Variants in CSMD1 observed in about 807,000 individuals in gnomAD.
The protein encoded by CSMD1 is CUB and Sushi multiple domains 1.
CSMD1 carries 213 observed loss-of-function variants against 417.5 expected under a neutral mutation model. That is an observed-to-expected ratio of 0.51 (90% confidence interval 0.46 to 0.57). CSMD1 has a LOEUF of 0.57. Ranked by LOEUF, CSMD1 falls within the 20% of genes least tolerant of loss-of-function variation. CSMD1 has a pLI of 0.00. For missense variants in CSMD1, 6,923 were observed against 4,529.7 expected (o/e 1.53, Z -15.17); for synonymous variants, 2,862 against 1,736.8 (o/e 1.65, Z -16.11).
At chr8:3,713,687 C>G (rs868294749) in intron 6 of CSMD1, among the ~76,000 whole-genome samples, 1 of 152,174 alleles carries the variant, frequency 6.6e-6, no homozygotes, top group Non-Finnish European at 1.5e-5. Flanking sequence ...TAACCCCAAA[C>G]AAATAAATAA....
chr8:3,339,090 G>C (rs1294412634), intron 23 of CSMD1, among the ~76,000 whole-genome samples: 1 of 149,814 alleles, frequency 6.7e-6, no homozygotes, highest in Non-Finnish European at 1.5e-5. Flanking sequence ...GCGGTGTTTG[G>C]TTGTTTGTTC....
At chr8:4,186,062 G>C (rs1426254496) in intron 3 of CSMD1, among the ~76,000 whole-genome samples, 1 of 152,116 alleles carries the variant, frequency 6.6e-6, no homozygotes, top group Non-Finnish European at 1.5e-5. Flanking sequence ...GATTCTGCAC[G>C]TGTGGAAGAC....
rs569681714 is a variant in CSMD1, at chr8:3,828,513, T to G, written c.819-74471A>C. Among the ~76,000 whole-genome samples, 3 of 152,272 alleles carry G rather than the reference T, an allele frequency of 2.0e-5. No homozygotes were observed. The East Asian group carries it at 5.8e-4, about 29-fold the overall frequency. On this transcript the variant is annotated intron_variant, in intron 5 of 69. Transcript: ENST00000635120. The stretch of plus-strand genomic sequence containing the variant: ...TTTATCAGTGTTTCCCAAACACTAG[T>G]TATCTATAATTCCTCTCCTTTTTCC...
At chr8:3,806,580 C>A (rs1023174961) in intron 5 of CSMD1, among the ~76,000 whole-genome samples, 1 of 152,178 alleles carries the variant, frequency 6.6e-6, no homozygotes, top group African/African-American at 2.4e-5. Flanking sequence ...TAAACTCCTG[C>A]AGAGCTTCTT....
intron 39 of CSMD1, among the ~76,000 whole-genome samples, chr8:3,155,468 C>G (rs901399521): frequency 1.4e-5 from 2 of 147,380 alleles, no homozygotes; most frequent in Non-Finnish European, 3.0e-5. Flanking sequence ...CCCAGGTTCA[C>G]GCCATTCTCC....
At chr8:4,738,386 G>C (rs1032554918) in intron 1 of CSMD1, among the ~76,000 whole-genome samples, 1 of 152,150 alleles carries the variant, frequency 6.6e-6, no homozygotes, top group African/African-American at 2.4e-5. Context: ...CAGCAAACAT[G>C]TTTTTCAAAT....
intron 6 of CSMD1, among the ~76,000 whole-genome samples, chr8:3,737,691 G>C (rs1796595016): frequency 6.6e-6 from 1 of 152,072 alleles, no homozygotes; most frequent in South Asian, 2.1e-4. Context: ...ACAATTTCTT[G>C]TCTTCACGTT....
chr8:3,861,108 G>C (rs1804673269), intron 5 of CSMD1, among the ~76,000 whole-genome samples: 1 of 152,138 alleles, frequency 6.6e-6, no homozygotes, highest in Admixed American at 6.6e-5. Context: ...CTCGAAAACA[G>C]GACGTGGCTT....
intron 25 of CSMD1, among the ~76,000 whole-genome samples, chr8:3,297,228 T>G (rs746537364): frequency 6.6e-6 from 1 of 152,170 alleles, no homozygotes; most frequent in Non-Finnish European, 1.5e-5. Context: ...AAGTTCAGTA[T>G]TATAAAAGAT....
chr8:3,962,599 A>G (rs2129994029), intron 5 of CSMD1, among the ~76,000 whole-genome samples: 1 of 152,230 alleles, frequency 6.6e-6, no homozygotes, highest in South Asian at 2.1e-4. Flanking sequence ...CATGCTATGA[A>G]GAGGAAAGGA....
At chr8:4,160,392 C>A (rs1279305982) in intron 3 of CSMD1, among the ~76,000 whole-genome samples, 1 of 152,084 alleles carries the variant, frequency 6.6e-6, no homozygotes, top group Non-Finnish European at 1.5e-5. Context: ...GTTATGTTGA[C>A]ATATATATAC....
intron 3 of CSMD1, among the ~76,000 whole-genome samples, chr8:4,333,970 C>T (rs1200067894): frequency 2.0e-5 from 3 of 152,094 alleles, no homozygotes; most frequent in South Asian, 2.1e-4. Flanking sequence ...CGGCTCACTG[C>T]AGTCTTAATG....
At chr8:4,940,857 G>C (rs930045525) in intron 1 of CSMD1, among the ~76,000 whole-genome samples, 1 of 152,124 alleles carries the variant, frequency 6.6e-6, no homozygotes, top group Admixed American at 6.5e-5. Flanking sequence ...AGAGGTCATG[G>C]TTAAAAATTG....
intron 23 of CSMD1, among the ~76,000 whole-genome samples, chr8:3,325,748 C>A (rs184101361): frequency 2.6e-5 from 4 of 152,202 alleles, no homozygotes; most frequent in Admixed American, 6.5e-5. Context: ...TGCTTGAACC[C>A]GGGAGGCAGA....
intron 1 of CSMD1, among the ~76,000 whole-genome samples, chr8:4,857,614 C>T (rs2116859733): frequency 6.6e-6 from 1 of 152,104 alleles, no homozygotes; most frequent in East Asian, 1.9e-4. Context: ...TACAAACTAC[C>T]AACAGGGAAT....
Position 3,407,928 on chromosome 8 carries a change from G to A in CSMD1, c.2042C>T (p.Thr681Ile). 6.2e-7 allele frequency: 1 copy of A among 1,612,762 alleles called. No individual in the cohort carries two copies. Among genetic ancestry groups the A allele is most frequent in the Non-Finnish European group, 8.5e-7 (1 of 1,179,136 alleles). Reference protein sequence around the residue: ...RLEFQSDHSTTGRGFNITYTT... With the variant: ...RLEFQSDHSTIGRGFNITYTT... ...GTAAGTGATGTTGAACCCTCTGCCA[G>A]TAGTGGAATGGTCAGACTGAAATTC... The change falls in exon 14 of 70, where the codon ACT becomes ATT. Residue 681 changes from threonine (T) to isoleucine (I), a missense_variant. Transcript: ENST00000635120.
intron 10 of CSMD1, among the ~76,000 whole-genome samples, chr8:3,552,561 TG>T (rs923742129): frequency 6.6e-6 from 1 of 152,020 alleles, no homozygotes; most frequent in African/African-American, 2.4e-5. Flanking sequence ...AAACATAAGG[TG>T]GGGGGCATTG....
intron 5 of CSMD1, among the ~76,000 whole-genome samples, chr8:3,831,852 A>G (rs980609097): frequency 4.6e-5 from 7 of 152,212 alleles, no homozygotes; most frequent in African/African-American, 1.2e-4. Context: ...CCTTGTTCAT[A>G]TAACATAGCA....
chr8:3,622,932 A>G (rs902532022), intron 7 of CSMD1, among the ~76,000 whole-genome samples: 1 of 152,234 alleles, frequency 6.6e-6, no homozygotes, highest in Non-Finnish European at 1.5e-5. Context: ...ACTGGGCTTA[A>G]TATCACTTTA....
Sources: allele counts gnomAD v4.1 joint callset (sites outside exome capture counted in the v4.1 genomes callset), GRCh38; gene constraint gnomAD v4.1.1; transcripts MANE v1.5; gene names NCBI Gene and HGNC (gene_info 2026-07-23, HGNC 2026-07-21).